Variants in NBAS observed in about 807,000 individuals in gnomAD.
The protein encoded by NBAS is NAG/BC035112 fusion.
NBAS carries 219 observed loss-of-function variants against 302.5 expected under a neutral mutation model. That is an observed-to-expected ratio of 0.72 (90% confidence interval 0.65 to 0.81). The LOEUF (loss-of-function observed/expected upper bound fraction) is 0.81, where lower values mean the gene tolerates loss of function less well. Among genes scored for constraint, NBAS ranks in the 30% least tolerant of loss-of-function variants. NBAS has a pLI of 0.00. For synonymous variants in NBAS, 1,118 were observed against 1,021.6 expected (o/e 1.09, Z -1.80); for missense variants, 2,932 against 2,841.6 (o/e 1.03, Z -0.72).
the NBAS span, among the ~76,000 whole-genome samples, chr2:15,064,377 A>C: frequency 6.6e-6 from 1 of 152,042 alleles, no homozygotes; most frequent in African/African-American, 2.4e-5. Flanking sequence ...TCACAGGACT[A>C]CTATGAACAA....
At chr2:15,389,768 T>A (rs904583825) in intron 28 of NBAS, among the ~76,000 whole-genome samples, 1 of 152,216 alleles carries the variant, frequency 6.6e-6, no homozygotes, top group Non-Finnish European at 1.5e-5. Flanking sequence ...TTTTTTGTTG[T>A]TGTTGTTTGA....
Position 15,308,259 on chromosome 2 carries a change from C to A in NBAS, c.4754G>T (p.Arg1585Leu), listed in dbSNP as rs545499539. ...CTTGTCCCTGAAACATGGGGCCAAT[C>A]GGGCATAGATCTGGAGGCTATAGTA... is the stretch of plus-strand genomic sequence containing the variant. ...AYYYSLQIYA[R>L]LAPCFRDKCH... is the part of the protein sequence containing the mutation. Residue 1585 changes from arginine (R) to leucine (L), a missense_variant, in exon 40 of 52, where the codon CGA (arginine) becomes CTA (leucine). Physicochemically the swap from Arg to Leu is moderately radical, Grantham distance 102. Coordinates refer to ENST00000281513, the MANE Select transcript of NBAS (RefSeq NM_015909.4). 3.1e-6 allele frequency: 5 copies of A among 1,614,046 alleles called. No individual in the cohort carries two copies. The African/African-American group carries it at 4.0e-5, about 13-fold the overall frequency.
chr2:14,864,320 CAAAAAA>C, the NBAS span, among the ~76,000 whole-genome samples: 1 of 68,014 alleles, frequency 1.5e-5, no homozygotes, highest in African/African-American at 4.7e-5. Flanking sequence ...GGCTCCATCT[CAAAAAA>C]AAAAAAAAAA....
At chr2:15,373,493 G>C (rs1674583649) in intron 31 of NBAS, among the ~76,000 whole-genome samples, 1 of 152,054 alleles carries the variant, frequency 6.6e-6, no homozygotes. Flanking sequence ...ATTACACTCG[G>C]CTAACTTCTT....
chr2:15,238,174 G>A (rs1256922956), intron 45 of NBAS, among the ~76,000 whole-genome samples: 1 of 152,014 alleles, frequency 6.6e-6, no homozygotes, highest in East Asian at 1.9e-4. Context: ...CCTCACCCCA[G>A]GCAGCTATCC....
At chr2:15,413,732 C>T (rs1484461525) in intron 25 of NBAS, among the ~76,000 whole-genome samples, 10 of 152,158 alleles carry the variant, frequency 6.6e-5, no homozygotes, top group East Asian at 1.9e-4. Context: ...CTGTCAGCAA[C>T]GGTCAGTCAC....
chr2:15,010,838 G>C, the NBAS span, among the ~76,000 whole-genome samples: 1 of 152,064 alleles, frequency 6.6e-6, no homozygotes, highest in African/African-American at 2.4e-5. Flanking sequence ...AATAAGATTC[G>C]AGCCCACTTT....
the NBAS span, among the ~76,000 whole-genome samples, chr2:14,781,765 C>T: frequency 6.8e-6 from 1 of 146,744 alleles, no homozygotes; most frequent in Admixed American, 6.7e-5. Flanking sequence ...AAAAAACTGG[C>T]ATTAAGTGTG....
At chr2:15,220,133 A>C (rs1481392597) in intron 47 of NBAS, among the ~76,000 whole-genome samples, 2 of 107,016 alleles carry the variant, frequency 1.9e-5, no homozygotes, top group South Asian at 3.2e-4. Flanking sequence ...CGGGGGGCTG[A>C]CCCCCCCACC....
intron 48 of NBAS, among the ~76,000 whole-genome samples, chr2:15,211,102 A>G (rs1017021218): frequency 1.6e-4 from 24 of 152,190 alleles, no homozygotes; most frequent in Non-Finnish European, 2.2e-4. Context: ...TTAATTGTAC[A>G]TATAAAAATT....
intron 40 of NBAS, among the ~76,000 whole-genome samples, chr2:15,305,654 G>C (rs1346165546): frequency 1.3e-5 from 2 of 151,948 alleles, no homozygotes; most frequent in Admixed American, 1.3e-4. Flanking sequence ...GTTTCACCAT[G>C]TTGGCTGGTC....
the NBAS span, among the ~76,000 whole-genome samples, chr2:14,811,206 C>T: frequency 1.1e-4 from 16 of 152,186 alleles, no homozygotes; most frequent in Admixed American, 3.3e-4. Context: ...CCAGGAGTTC[C>T]AGACCAGCCT....
chr2:15,026,491 AGT>A, the NBAS span, among the ~76,000 whole-genome samples: 1 of 135,894 alleles, frequency 7.4e-6, no homozygotes, highest in African/African-American at 2.7e-5. Flanking sequence ...AAAAAAAAAA[AGT>A]CTTTTCTGCA....
rs542534109 is a variant in NBAS at position 15,325,443 on chromosome 2, G to A, written c.4582+2307C>T. On this transcript the variant is annotated intron_variant, in intron 38 of 51. Coordinates refer to ENST00000281513, the MANE Select transcript of NBAS (RefSeq NM_015909.4). ...AGTCCTAATCTTTTTGCAGGTGAAG[G>A]GTCTCAATGTTGATGGCTGCTGACT... 1.7e-4 allele frequency among the ~76,000 whole-genome samples: 26 copies of A among 152,204 alleles called. No individual in the cohort carries two copies. In the South Asian group the frequency reaches 5.2e-3, roughly 30 times the overall value.
the NBAS span, among the ~76,000 whole-genome samples, chr2:15,101,288 G>A: frequency 6.6e-6 from 1 of 151,812 alleles, no homozygotes. Flanking sequence ...AATAATTCCA[G>A]GGGCAGTAAA....
At chr2:14,860,310 A>C in the NBAS span, among the ~76,000 whole-genome samples, 1 of 152,144 alleles carries the variant, frequency 6.6e-6, no homozygotes, top group African/African-American at 2.4e-5. Flanking sequence ...CTATCATATG[A>C]TCCAGCAATT....
chr2:14,828,630 CAA>C, the NBAS span, among the ~76,000 whole-genome samples: 713 of 152,144 alleles, frequency 4.7e-3, 15 homozygotes, highest in African/African-American at 0.016. Context: ...TTCTATGAAA[CAA>C]GAGTGAAAAC....
At chr2:15,048,002 G>C in the NBAS span, among the ~76,000 whole-genome samples, 1 of 151,206 alleles carries the variant, frequency 6.6e-6, no homozygotes, top group African/African-American at 2.4e-5. Flanking sequence ...AGTCACAATT[G>C]TTTAAGTTTG....
chr2:15,435,770 T>A (rs775995300), intron 21 of NBAS, among the ~76,000 whole-genome samples: 1 of 152,212 alleles, frequency 6.6e-6, no homozygotes, highest in African/African-American at 2.4e-5. Flanking sequence ...TGGACAACCA[T>A]GTGGCATTTA....
Sources: allele counts gnomAD v4.1 joint callset (sites outside exome capture counted in the v4.1 genomes callset), GRCh38; gene constraint gnomAD v4.1.1; transcripts MANE v1.5; gene names NCBI Gene and HGNC (gene_info 2026-07-23, HGNC 2026-07-21).